TLE4: variants seen among roughly 807,000 people sequenced by gnomAD.
The protein encoded by TLE4 is TLE family member 4, transcriptional corepressor.
A neutral mutation model predicts 92.8 loss-of-function variants in TLE4; 8 were observed. The observed-to-expected ratio is 0.09, with a 90% CI of 0.05 to 0.16. The LOEUF (loss-of-function observed/expected upper bound fraction) is 0.16. Ranked by LOEUF, TLE4 falls within the 10% of genes least tolerant of loss-of-function variation. The probability of loss-of-function intolerance (pLI) is 1.00; values close to 1 mark genes in which losing one functional copy is unlikely to be tolerated. For synonymous variants in TLE4, 371 were observed against 374.1 expected (o/e 0.99, Z 0.10); for missense variants, 675 against 997.6 (o/e 0.68, Z 4.36).
rs2037702510 is a variant in TLE4, at chr9:79,576,219, T to C, written c.252+42T>C. The stretch of plus-strand genomic sequence containing the variant: ...TAACCATTTTAAATGACAGTAATAC[T>C]GGGACACTATGAAAAGAAAATTGTA... On this transcript the variant is annotated intron_variant, in intron 4 of 19. Transcript: ENST00000376552. 7 of 1,360,558 alleles carry C rather than the reference T, an allele frequency of 5.1e-6. No individual in the cohort carries two copies. The East Asian group carries it at 1.3e-4, about 24-fold the overall frequency. 84.3% of individuals were successfully genotyped at this position (1,360,558 alleles called of 1,614,324 possible).
intron 5 of TLE4, among the ~76,000 whole-genome samples, chr9:79,617,205 C>T (rs753046013): frequency 3.4e-4 from 51 of 151,880 alleles, no homozygotes; most frequent in African/African-American, 1.1e-3. Context: ...CTGCTTCCAA[C>T]GATGGACATT....
intron 8 of TLE4, among the ~76,000 whole-genome samples, chr9:79,666,225 T>G (rs1366674183): frequency 5.4e-5 from 6 of 111,686 alleles, no homozygotes; most frequent in South Asian, 2.6e-4. Context: ...TTGTTTTTTT[T>G]TTTTTTTTTT....
At chr9:79,591,182 A>G (rs1000904092) in intron 4 of TLE4, among the ~76,000 whole-genome samples, 3 of 152,222 alleles carry the variant, frequency 2.0e-5, no homozygotes, top group African/African-American at 7.2e-5. Flanking sequence ...CAGTGGATAC[A>G]CAGTTGTGAC....
intron 8 of TLE4, among the ~76,000 whole-genome samples, chr9:79,656,295 G>A (rs2059769818): frequency 6.6e-6 from 1 of 152,108 alleles, no homozygotes; most frequent in Admixed American, 6.6e-5. Context: ...ACTCTAGATG[G>A]TTTTTATCAG....
At chr9:79,687,673 A>G (rs372154100) in intron 8 of TLE4, among the ~76,000 whole-genome samples, 1 of 151,850 alleles carries the variant, frequency 6.6e-6, no homozygotes, top group African/African-American at 2.4e-5. Context: ...TCTTTTCTTG[A>G]TGTTGCCTTA....
At chr9:79,624,909 A>G (rs1185888248) in intron 5 of TLE4, among the ~76,000 whole-genome samples, 2 of 152,096 alleles carry the variant, frequency 1.3e-5, no homozygotes, top group African/African-American at 4.8e-5. Flanking sequence ...TGTTGAATGA[A>G]TGAATGCGTG....
chr9:79,690,539 T>G (rs2066828363), intron 8 of TLE4, among the ~76,000 whole-genome samples: 1 of 152,182 alleles, frequency 6.6e-6, no homozygotes, highest in Non-Finnish European at 1.5e-5. Context: ...GAGGATACTG[T>G]TCACACGCAT....
chr9:79,651,092 T>C, intron 6 of TLE4, among the ~76,000 whole-genome samples: 1 of 151,730 alleles, frequency 6.6e-6, no homozygotes, highest in East Asian at 1.9e-4. Context: ...TCTCTAGATA[T>C]TTTGTGAAAT....
intron 8 of TLE4, among the ~76,000 whole-genome samples, chr9:79,680,446 AG>A (rs2064273817): frequency 6.6e-6 from 1 of 152,108 alleles, no homozygotes; most frequent in Non-Finnish European, 1.5e-5. Context: ...TTGGTGTATA[AG>A]AATGCTTGTG....
chr9:79,710,894 G>T (rs949287864), intron 14 of TLE4, among the ~76,000 whole-genome samples: 15 of 152,098 alleles, frequency 9.9e-5, no homozygotes, highest in African/African-American at 3.6e-4. Context: ...ATGGTACCTG[G>T]TTCATAGTGG....
chr9:79,613,601 G>A lies in TLE4; in HGVS notation c.315+883G>A, dbSNP rs575075985. ...TGAAATATCTGCATGTCTTGTAGCC[G>A]CAATACTTTGTGCTGTGGGCTGAGA... On this transcript the variant is annotated intron_variant, in intron 5 of 19. Coordinates refer to ENST00000376552, the MANE Select transcript of TLE4 (RefSeq NM_007005.6). Among the ~76,000 whole-genome samples, 14 of 152,260 alleles carry A rather than the reference G, an allele frequency of 9.2e-5. No individual in the cohort carries two copies. The South Asian group carries it at 2.1e-3, about 23-fold the overall frequency.
chr9:79,690,073 C>T (rs1262011215), intron 8 of TLE4, among the ~76,000 whole-genome samples: 1 of 151,464 alleles, frequency 6.6e-6, no homozygotes, highest in East Asian at 1.9e-4. Flanking sequence ...CCAACCATGA[C>T]CCCATCCCAG....
chr9:79,688,366 T>C (rs893847084), intron 8 of TLE4, among the ~76,000 whole-genome samples: 1 of 152,102 alleles, frequency 6.6e-6, no homozygotes, highest in African/African-American at 2.4e-5. Flanking sequence ...TTTATAACAG[T>C]CCTCATAACT....
chr9:79,717,917 T>C (rs994608033), intron 14 of TLE4: 2 of 454,868 alleles, frequency 4.4e-6, no homozygotes, highest in Admixed American at 4.7e-5. Flanking sequence ...ACAGCCTCAC[T>C]CGTCCCTTCC....
intron 4 of TLE4, among the ~76,000 whole-genome samples, chr9:79,595,519 A>G (rs1384802002): frequency 6.6e-6 from 1 of 152,246 alleles, no homozygotes; most frequent in Non-Finnish European, 1.5e-5. Context: ...TTTCTGCTTT[A>G]GAATACTTAA....
At chr9:79,652,025 A>G (rs1438431904) in intron 6 of TLE4, among the ~76,000 whole-genome samples, 1 of 152,182 alleles carries the variant, frequency 6.6e-6, no homozygotes, top group Non-Finnish European at 1.5e-5. Flanking sequence ...AAAGTTACTT[A>G]TATACTTTCA....
chr9:79,629,075 C>G (rs1229537737), intron 6 of TLE4, among the ~76,000 whole-genome samples: 1 of 152,028 alleles, frequency 6.6e-6, no homozygotes, highest in East Asian at 1.9e-4. Context: ...CAGAGTGATC[C>G]CTGATAGGAG....
At chr9:79,655,511 G>A (rs554495273) in intron 8 of TLE4, among the ~76,000 whole-genome samples, 17 of 152,146 alleles carry the variant, frequency 1.1e-4, no homozygotes, top group Admixed American at 7.2e-4. Context: ...TACCCTTCAA[G>A]AATCTTTGTA....
intron 4 of TLE4, among the ~76,000 whole-genome samples, chr9:79,584,150 G>A (rs573744524): frequency 6.6e-6 from 1 of 152,294 alleles, no homozygotes; most frequent in East Asian, 1.9e-4. Flanking sequence ...GGCTCCCTTC[G>A]CTGACCATGC....
Sources: gnomAD v4.1 joint callset for allele counts (sites outside exome capture counted in the v4.1 genomes callset) on GRCh38, gnomAD v4.1.1 for gene constraint, MANE v1.5 for transcripts, NCBI Gene and HGNC (gene_info 2026-07-23, HGNC 2026-07-21) for gene names.